NFYB: variants seen among roughly 807,000 people sequenced by gnomAD.
The protein encoded by NFYB is nuclear transcription factor Y subunit beta, also known as CAAT box DNA-binding protein subunit B.
NFYB carries 13 observed loss-of-function variants against 28.0 expected under a neutral mutation model. The observed-to-expected ratio is 0.46, with a 90% confidence interval of 0.30 to 0.74. The LOEUF (loss-of-function observed/expected upper bound fraction) is 0.74. Among genes scored for constraint, NFYB ranks in the 30% least tolerant of loss-of-function variants. The pLI, the probability that NFYB is intolerant of heterozygous loss-of-function variation, is 0.07. For missense variants in NFYB, 142 were observed against 247.6 expected (o/e 0.57, Z 2.86); for synonymous variants, 74 against 75.0 (o/e 0.99, Z 0.07).
intron 3 of NFYB, among the ~76,000 whole-genome samples, chr12:104,126,941 G>T (rs545637198): frequency 3.7e-4 from 57 of 152,312 alleles, no homozygotes; most frequent in African/African-American, 1.3e-3. Flanking sequence ...TACTGATCCA[G>T]TTGGCTTACT....
At chr12:104,121,381 ATGCTTACTTAT>A in intron 5 of NFYB, 60 bp from the exon 6 acceptor site, 1 of 1,393,986 alleles carries the variant, frequency 7.2e-7, no homozygotes, top group Non-Finnish European at 1.0e-6. Flanking sequence ...CCAAATGCAA[ATGCTTACTTAT>A]TGCCTAAAAT....
intron 5 of NFYB, among the ~76,000 whole-genome samples, chr12:104,122,610 G>A (rs961163276): frequency 2.0e-5 from 3 of 152,134 alleles, no homozygotes; most frequent in East Asian, 3.8e-4. Flanking sequence ...TAGGCTGTGC[G>A]TTCCTTATGA....
chr12:104,135,458 T>C lies in NFYB; in HGVS notation c.-5A>G. 1.3e-6 allele frequency: 2 copies of C among 1,593,386 alleles called. No individual in the cohort carries two copies. The highest frequency in any genetic ancestry group is 1.2e-5 in the South Asian group (1 of 86,932). ...GTAAAATATACTTACTGTCATGAAA[T>C]ACTGTCAGAACCGTGTTGTCAGTGG... On this transcript the variant is annotated 5_prime_UTR_variant, in exon 2 of 8. Coordinates refer to ENST00000240055, the MANE Select transcript of NFYB (RefSeq NM_006166.4).
chr12:104,126,052 T>A, intron 4 of NFYB, 62 bp downstream of exon 4: 1 of 1,482,406 alleles, frequency 6.7e-7, no homozygotes, highest in Non-Finnish European at 9.0e-7. Flanking sequence ...CCATGACCTA[T>A]GAATTCATGT....
chr12:104,135,943 A>AT (rs2031083073), intron 1 of NFYB, among the ~76,000 whole-genome samples: 1 of 152,224 alleles, frequency 6.6e-6, no homozygotes. Context: ...TATCATCTTA[A>AT]TTTTTTGGTG....
At chr12:104,135,347 T>G (rs192913988) in intron 2 of NFYB, 101 bp downstream of exon 2, 1 of 1,007,474 alleles carries the variant, frequency 9.9e-7, no homozygotes, top group Admixed American at 2.5e-5. Context: ...TGAAATGCAT[T>G]CATTCTACCA....
chr12:104,126,979 G>C (rs915092503), intron 3 of NFYB, among the ~76,000 whole-genome samples: 1 of 152,212 alleles, frequency 6.6e-6, no homozygotes, highest in East Asian at 1.9e-4. Flanking sequence ...AACAAAGCTA[G>C]AGCAGTGATC....
At chr12:104,127,969 G>A (rs1246351814) in intron 3 of NFYB, among the ~76,000 whole-genome samples, 1 of 152,110 alleles carries the variant, frequency 6.6e-6, no homozygotes, top group African/African-American at 2.4e-5. Context: ...ATAGGTGTGA[G>A]CACCACACTG....
At chr12:104,131,611 A>G in intron 2 of NFYB, 4 of 386,856 alleles carry the variant, frequency 1.0e-5, no homozygotes, top group South Asian at 5.8e-5. Context: ...GCCTATATAT[A>G]AGAATGATGG....
chr12:104,123,453 A>G, intron 4 of NFYB, 30 bp from the exon 5 acceptor site: 16 of 1,592,642 alleles, frequency 1.0e-5, no homozygotes, highest in Non-Finnish European at 1.4e-5. Context: ...TAAATTACAG[A>G]AACTATAACC....
chr12:104,128,306 C>T (rs576667347), intron 3 of NFYB, 118 bp downstream of exon 3: 39 of 599,152 alleles, frequency 6.5e-5, no homozygotes, highest in Middle Eastern at 5.0e-4. Context: ...TGAACCGTAA[C>T]ACAAGATTGT....
intron 2 of NFYB, among the ~76,000 whole-genome samples, chr12:104,132,529 T>C (rs1254422854): frequency 6.6e-6 from 1 of 152,042 alleles, no homozygotes; most frequent in Non-Finnish European, 1.5e-5. Flanking sequence ...AGCAAGATAA[T>C]GATCATTTTA....
At chr12:104,129,729 T>C (rs1450820610) in intron 2 of NFYB, among the ~76,000 whole-genome samples, 13 of 151,824 alleles carry the variant, frequency 8.6e-5, no homozygotes, top group Non-Finnish European at 1.3e-4. Context: ...AAAACAAAAA[T>C]TAAGAAATTA....
At chr12:104,130,274 T>C (rs1194408770) in intron 2 of NFYB, among the ~76,000 whole-genome samples, 1 of 152,230 alleles carries the variant, frequency 6.6e-6, no homozygotes, top group African/African-American at 2.4e-5. Context: ...ATGTTATTAA[T>C]TGCAAAATTT....
chr12:104,129,659 A>G (rs560728563), intron 2 of NFYB, among the ~76,000 whole-genome samples: 9 of 152,080 alleles, frequency 5.9e-5, no homozygotes, highest in Non-Finnish European at 1.3e-4. Context: ...TGGGAGGATC[A>G]CTTGGGCCCA....
At chr12:104,135,317 A>C in intron 2 of NFYB, 131 bp downstream of exon 2, 1 of 673,680 alleles carries the variant, frequency 1.5e-6, no homozygotes, top group Non-Finnish European at 2.4e-6. Flanking sequence ...GAATGAGCAG[A>C]GGTACTGTCT....
chr12:104,125,925 T>C (rs1360007219), intron 4 of NFYB, among the ~76,000 whole-genome samples, 189 bp downstream of exon 4: 1 of 149,856 alleles, frequency 6.7e-6, no homozygotes, highest in African/African-American at 2.5e-5. Flanking sequence ...GAGGAGAACA[T>C]TTAGGGACAT....
chr12:104,119,893 T>C, intron 7 of NFYB, 124 bp from the exon 8 acceptor site: 1 of 640,338 alleles, frequency 1.6e-6, no homozygotes, highest in Non-Finnish European at 2.7e-6. Flanking sequence ...TTCTTGTGTA[T>C]CTTTCTAGAA....
intron 5 of NFYB, among the ~76,000 whole-genome samples, chr12:104,122,330 C>T (rs1321250055): frequency 1.2e-4 from 19 of 152,150 alleles, no homozygotes; most frequent in Non-Finnish European, 2.9e-5. Context: ...GCCCTTAAAT[C>T]ATTATATAAC....
Sources: allele counts gnomAD v4.1 joint callset (sites outside exome capture counted in the v4.1 genomes callset), GRCh38; gene constraint gnomAD v4.1.1; transcripts MANE v1.5; gene names NCBI Gene and HGNC (gene_info 2026-07-23, HGNC 2026-07-21).